The following VWA2 variants were observed in gnomAD, a reference collection of about 807,000 sequenced individuals.
The protein encoded by VWA2 is von Willebrand factor A domain containing 2, also known as von Willebrand factor A domain-containing protein 2.
Under a neutral mutation model 70.4 loss-of-function variants are expected in VWA2, and 73 were observed. The observed-to-expected ratio is 1.04, with a 90% CI of 0.86 to 1.26. The LOEUF (loss-of-function observed/expected upper bound fraction) is 1.26. Among genes scored for constraint, VWA2 ranks in the 50% most tolerant of loss-of-function variants. The pLI, the probability that VWA2 is intolerant of heterozygous loss-of-function variation, is 0.00. For synonymous variants in VWA2, 407 were observed against 423.3 expected, an observed-to-expected ratio of 0.96 and a Z score of 0.47; for missense variants, 1,011 against 998.5, an observed-to-expected ratio of 1.01 and a Z score of -0.17.
At chr10:114,260,900 C>T (rs1219357262) in intron 4 of VWA2, among the ~76,000 whole-genome samples, 2 of 152,210 alleles carry the variant, frequency 1.3e-5, no homozygotes, top group African/African-American at 4.8e-5. Flanking sequence ...TGCACAAGCT[C>T]AGCTGAGAAC....
chr10:114,279,386 T>C (rs2037947435), intron 8 of VWA2, among the ~76,000 whole-genome samples: 1 of 143,708 alleles, frequency 7.0e-6, no homozygotes, highest in African/African-American at 2.5e-5. Context: ...CTACCTGCCA[T>C]TCAGCACCTC....
At chr10:114,248,277 A>G (rs1426641717) in intron 1 of VWA2, among the ~76,000 whole-genome samples, 1 of 152,146 alleles carries the variant, frequency 6.6e-6, no homozygotes, top group East Asian at 1.9e-4. Context: ...GACATTGAAA[A>G]TCAGATCTTC....
chr10:114,286,461 T>C lies in VWA2; in HGVS notation c.1520T>C (p.Phe507Ser). 1 of 1,604,184 alleles carries C rather than the reference T, an allele frequency of 6.2e-7. No homozygotes were observed. The highest frequency in any genetic ancestry group is 8.5e-7 in the Non-Finnish European group (1 of 1,173,538). The change falls in exon 11 of 14, where the codon TTC becomes TCC. Residue 507 changes from phenylalanine to serine, a missense_variant. Physicochemically the swap from Phe to Ser is radical, Grantham distance 155 (BLOSUM62 -2). Coordinates refer to ENST00000392982, the MANE Select transcript of VWA2 (RefSeq NM_001272046.2). The stretch of plus-strand genomic sequence containing the variant: ...GTCTACTCGGATCCTCAGGATCTGT[T>C]CAACCAAATCCCTGAGCTGCAGGGG... ...VMVYSDPQDL[F>S]NQIPELQGKL...
chr10:114,244,396 G>A (rs796412945), intron 1 of VWA2, among the ~76,000 whole-genome samples: 2 of 152,322 alleles, frequency 1.3e-5, no homozygotes, highest in Non-Finnish European at 2.9e-5. Context: ...GGTGACGCTA[G>A]GAGGCCAGAA....
intron 2 of VWA2, 66 bp from the exon 3 acceptor site, chr10:114,253,585 A>G: frequency 1.4e-6 from 2 of 1,394,650 alleles, no homozygotes; most frequent in African/African-American, 1.5e-5. Flanking sequence ...AAGTCACTTA[A>G]TGTGGAGATT....
chr10:114,246,525 ACGAGTATC>A, intron 1 of VWA2: 1 of 766,082 alleles, frequency 1.3e-6, no homozygotes, highest in South Asian at 1.9e-5. Flanking sequence ...AAAAAAAAAA[ACGAGTATC>A]ATGGGTTGAA....
intron 6 of VWA2, among the ~76,000 whole-genome samples, chr10:114,276,529 C>T (rs1018403208): frequency 2.6e-5 from 4 of 152,110 alleles, no homozygotes; most frequent in East Asian, 3.9e-4. Context: ...GACAGGGTCC[C>T]GCTCTGTCAC....
chr10:114,289,168 G>A lies in VWA2; in HGVS notation c.1801G>A (p.Ala601Thr). 1 of 1,613,714 alleles carries A rather than the reference G, an allele frequency of 6.2e-7. No individual in the cohort carries two copies. Among genetic ancestry groups the A allele is most frequent in the South Asian group, 1.1e-5 (1 of 91,026 alleles). Residue 601 changes from alanine (A) to threonine (T), a missense_variant, in exon 12 of 14, where the codon GCC becomes ACC. Transcript: ENST00000392982. ...RAAMLRAISQ[A>T]PYLGGVGSAG... is the part of the protein sequence containing the mutation. ...TGCGATGCTGCGGGCCATTAGCCAG[G>A]CCCCCTACCTAGGTGGGGTGGGCTC...
chr10:114,282,859 A>T (rs1375710000), intron 9 of VWA2, among the ~76,000 whole-genome samples: 1 of 152,156 alleles, frequency 6.6e-6, no homozygotes, highest in Non-Finnish European at 1.5e-5. Flanking sequence ...AGACATCCTC[A>T]AAGCCAGCAC....
chr10:114,262,410 A>G (rs1218952704), intron 5 of VWA2, among the ~76,000 whole-genome samples: 1 of 152,086 alleles, frequency 6.6e-6, no homozygotes, highest in Non-Finnish European at 1.5e-5. Context: ...ACACATATAT[A>G]TAATGTTCTT....
intron 5 of VWA2, among the ~76,000 whole-genome samples, chr10:114,266,263 C>G (rs1013412941): frequency 6.6e-6 from 1 of 152,036 alleles, no homozygotes; most frequent in East Asian, 1.9e-4. Context: ...CGCCACTGCA[C>G]TCCAGCCTGG....
rs140251955 is a variant in VWA2, at chr10:114,293,352, G to A, written c.*2115G>A. 2.7e-3 allele frequency among the ~76,000 whole-genome samples: 416 copies of A among 152,280 alleles called. 3 individuals carry two copies. Among genetic ancestry groups the A allele is most frequent in the African/African-American group, 9.3e-3 (385 of 41,558 alleles). On this transcript the variant is annotated 3_prime_UTR_variant, in exon 14 of 14. Transcript: ENST00000392982. Reference sequence around the variant, plus strand: ...AACCATGTTATAATGTAGGCTTTTTGTCTTGTTCCGGGCTGGTATTTGGGT... The same window carrying A: ...AACCATGTTATAATGTAGGCTTTTTATCTTGTTCCGGGCTGGTATTTGGGT...
At chr10:114,241,612 C>G (rs1359896577) in intron 1 of VWA2, among the ~76,000 whole-genome samples, 1 of 152,172 alleles carries the variant, frequency 6.6e-6, no homozygotes, top group Non-Finnish European at 1.5e-5. Flanking sequence ...GTTAATAACT[C>G]CCCTGATGTG....
In VWA2 at chr10:114,239,379, G is replaced by T. The variant is rs1011364832; in HGVS notation, c.-201G>T. On this transcript the variant is annotated 5_prime_UTR_variant, in exon 1 of 14. Coordinates refer to ENST00000392982, the MANE Select transcript of VWA2 (RefSeq NM_001272046.2). ...GAGGGGCTCTATGCACCTCCCTGGC[G>T]GTAGTTCCTCCGACCTCAGCCGGGT... The T allele has an allele frequency of 6.6e-6, 1 of 152,232 alleles. No individual in the cohort carries two copies. Among genetic ancestry groups the T allele is most frequent in the African/African-American group, 2.4e-5 (1 of 41,464 alleles). 9.4% of individuals were successfully genotyped at this position (152,232 alleles called of 1,614,324 possible).
At position 114,291,579 on chromosome 10, in the gene VWA2, G is replaced by A; in HGVS notation, c.*342G>A. The A allele has an allele frequency of 3.7e-6, 1 of 272,226 alleles. No homozygotes were observed. The highest frequency in any genetic ancestry group is 6.9e-6 in the Non-Finnish European group (1 of 143,960). The allele number at this position is 272,226 out of a possible 1,614,324, so 16.9% of individuals were successfully genotyped here. ...CCCTTGAGGATAAACAAGGGGTCCT[G>A]AAGACTTAAATTTAGCGGCCTGACG... On this transcript the variant is annotated 3_prime_UTR_variant, in exon 14 of 14. Transcript: ENST00000392982.
chr10:114,266,036 G>T (rs1041667352), intron 5 of VWA2, among the ~76,000 whole-genome samples: 2 of 152,084 alleles, frequency 1.3e-5, no homozygotes, highest in Non-Finnish European at 1.5e-5. Flanking sequence ...GGTGGCTCAC[G>T]TCTGTAATCC....
chr10:114,287,773 C>T (rs2133630417), intron 11 of VWA2, among the ~76,000 whole-genome samples: 1 of 152,302 alleles, frequency 6.6e-6, no homozygotes, highest in Admixed American at 6.5e-5. Flanking sequence ...CACCCAGTTT[C>T]CCCTCCTATT....
intron 5 of VWA2, among the ~76,000 whole-genome samples, chr10:114,271,638 C>G (rs2037713047): frequency 6.6e-6 from 1 of 152,036 alleles, no homozygotes; most frequent in African/African-American, 2.4e-5. Flanking sequence ...CACACACACA[C>G]ACACAGCAGG....
chr10:114,280,329 C>T (rs1318431533), intron 8 of VWA2, among the ~76,000 whole-genome samples: 1 of 152,164 alleles, frequency 6.6e-6, no homozygotes, highest in Non-Finnish European at 1.5e-5. Flanking sequence ...CAAGCTGACG[C>T]TCCAGTAATG....
Sources: gnomAD v4.1 joint callset for allele counts (sites outside exome capture counted in the v4.1 genomes callset) on GRCh38, gnomAD v4.1.1 for gene constraint, MANE v1.5 for transcripts, NCBI Gene and HGNC (gene_info 2026-07-23, HGNC 2026-07-21) for gene names.